The following FAM24B variants were observed in gnomAD, a reference collection of about 807,000 sequenced individuals.
FAM24B encodes family with sequence similarity 24 member B.
Under a neutral mutation model 2.3 loss-of-function variants are expected in FAM24B, and 3 were observed. That is an observed-to-expected ratio of 1.29 (90% CI 0.59 to 3.32). The LOEUF is 3.32. Among genes scored for constraint, FAM24B ranks in the 30% most tolerant of loss-of-function variants. FAM24B has a pLI of 0.03. For missense variants in FAM24B, 98 were observed against 117.2 expected (o/e 0.84, Z 0.76); for synonymous variants, 36 against 46.3 (o/e 0.78, Z 0.90).
At chr10:122,859,390 C>T (rs946515966) in intron 1 of FAM24B, among the ~76,000 whole-genome samples, 1 of 152,140 alleles carries the variant, frequency 6.6e-6, no homozygotes, top group Non-Finnish European at 1.5e-5. Flanking sequence ...GCAGCCATTA[C>T]GAACTGACTC....
intron 1 of FAM24B, among the ~76,000 whole-genome samples, chr10:122,867,250 G>A (rs779067363): frequency 3.2e-4 from 48 of 152,152 alleles, no homozygotes; most frequent in Admixed American, 5.2e-4. Flanking sequence ...GGGGAGGGAC[G>A]CCCACCATTG....
chr10:122,870,423 C>A (rs2133839240), intron 1 of FAM24B, among the ~76,000 whole-genome samples: 1 of 152,302 alleles, frequency 6.6e-6, no homozygotes, highest in South Asian at 2.1e-4. Flanking sequence ...GGAATCCTCC[C>A]TAACTCATTT....
chr10:122,864,742 C>T (rs770092718), intron 1 of FAM24B, among the ~76,000 whole-genome samples: 56 of 152,176 alleles, frequency 3.7e-4, no homozygotes, highest in Admixed American at 7.9e-4. Flanking sequence ...TTCCCCCTGC[C>T]AGACCCTGGC....
In FAM24B at chr10:122,849,171, A is replaced by G; in HGVS notation, c.*76T>C. 1 of 1,121,400 alleles carries G rather than the reference A, an allele frequency of 8.9e-7. No homozygotes were observed. Among genetic ancestry groups the G allele is most frequent in the Non-Finnish European group, 1.2e-6 (1 of 808,992 alleles). 69.5% of individuals were successfully genotyped at this position (1,121,400 alleles called of 1,614,324 possible). ...TTATATAATCTCACATAAAAACACT[A>G]GAACTTGATTTGAATAACAAAACAA... On this transcript the variant is annotated 3_prime_UTR_variant, in exon 4 of 4. Transcript: ENST00000368898.
chr10:122,868,924 C>T (rs1847846852), intron 1 of FAM24B, among the ~76,000 whole-genome samples: 1 of 152,134 alleles, frequency 6.6e-6, no homozygotes, highest in Non-Finnish European at 1.5e-5. Flanking sequence ...ATAAAATTCA[C>T]ACATAACAAC....
chr10:122,869,697 C>T (rs566878197), intron 1 of FAM24B, among the ~76,000 whole-genome samples: 15 of 152,074 alleles, frequency 9.9e-5, no homozygotes, highest in African/African-American at 2.9e-4. Context: ...GGGTACATAA[C>T]GAAATGAAGG....
At chr10:122,850,737 TA>T (rs932061328) in intron 2 of FAM24B, 187 bp from the exon 3 acceptor site, 1 of 481,652 alleles carries the variant, frequency 2.1e-6, no homozygotes, top group Non-Finnish European at 3.7e-6. Context: ...AAAAAAGAAA[TA>T]AAAAAAGTCA....
chr10:122,870,077 G>C (rs1847867700), intron 1 of FAM24B, among the ~76,000 whole-genome samples: 1 of 152,096 alleles, frequency 6.6e-6, no homozygotes, highest in South Asian at 2.1e-4. Flanking sequence ...GAATCACATA[G>C]ACCCAATAAA....
chr10:122,873,842 A>G (rs1399704738), intron 1 of FAM24B, among the ~76,000 whole-genome samples: 2 of 152,210 alleles, frequency 1.3e-5, no homozygotes, highest in Non-Finnish European at 2.9e-5. Flanking sequence ...TTAGTTTGAA[A>G]TATTTTTAAA....
chr10:122,858,883 C>T (rs901704614), intron 1 of FAM24B, among the ~76,000 whole-genome samples: 4 of 152,240 alleles, frequency 2.6e-5, no homozygotes, highest in Non-Finnish European at 4.4e-5. Context: ...ATGCAACAGA[C>T]TTCTGTGAGC....
In FAM24B at chr10:122,849,380, C is replaced by T. The variant is rs760072719; in HGVS notation, c.152G>A (p.Trp51Ter). The T allele has an allele frequency of 6.2e-7, 1 of 1,613,426 alleles. No individual in the cohort carries two copies. The highest frequency in any genetic ancestry group is 8.5e-7 in the Non-Finnish European group (1 of 1,179,688). The change falls in exon 4 of 4, where the codon TGG becomes TAG. Residue 51 changes from tryptophan to a stop codon, truncating the protein, a stop_gained. Transcript: ENST00000368898. LOFTEE classifies it low-confidence loss of function (END_TRUNC). ...VKNHNPDKVWWAKNSQAKTIA... is the reference protein window; with the variant it reads ...VKNHNPDKVW Reference sequence around the variant, plus strand: ...GGTTTTGGCCTGGCTGTTCTTGGCCCACCACACCTTGTCTGGGTTGTGATT... The same window carrying T: ...GGTTTTGGCCTGGCTGTTCTTGGCCTACCACACCTTGTCTGGGTTGTGATT...
chr10:122,865,746 G>A (rs190866055), intron 1 of FAM24B, among the ~76,000 whole-genome samples: 195 of 151,618 alleles, frequency 1.3e-3, no homozygotes, highest in Non-Finnish European at 1.4e-3. Context: ...ATCTGGTCCT[G>A]GTGCTTTATT....
chr10:122,866,628 T>TG (rs1233211594), intron 1 of FAM24B, among the ~76,000 whole-genome samples: 1 of 152,164 alleles, frequency 6.6e-6, no homozygotes, highest in Non-Finnish European at 1.5e-5. Context: ...ATATATGTTA[T>TG]GGTGATCTGT....
intron 1 of FAM24B, among the ~76,000 whole-genome samples, chr10:122,878,368 C>T (rs1223809924): frequency 6.6e-6 from 1 of 151,876 alleles, no homozygotes. Flanking sequence ...CCCTGTCTCT[C>T]CTAAAAATAC....
intron 1 of FAM24B, among the ~76,000 whole-genome samples, chr10:122,878,464 C>T (rs960956107): frequency 2.0e-5 from 3 of 149,316 alleles, no homozygotes; most frequent in East Asian, 4.0e-4. Flanking sequence ...ACCCAAGAGG[C>T]GGAAGTTGCA....
chr10:122,850,285 T>G lies in FAM24B; in HGVS notation c.92+139A>C. On this transcript the variant is annotated intron_variant, in intron 3 of 3. Transcript: ENST00000368898. The stretch of plus-strand genomic sequence containing the variant: ...TACAAAGCTGCCTGTTCTTCTTGAC[T>G]TCACCCAGGGTATGGCCACAGCAGC... The G allele has an allele frequency of 4.3e-6, 3 of 696,158 alleles. No individual in the cohort carries two copies. In the East Asian group the frequency reaches 7.9e-5, roughly 18 times the overall value. 43.1% of individuals were successfully genotyped at this position (696,158 alleles called of 1,614,324 possible).
chr10:122,867,839 GA>G (rs1003486572), intron 1 of FAM24B, among the ~76,000 whole-genome samples: 2 of 152,026 alleles, frequency 1.3e-5, no homozygotes, highest in Non-Finnish European at 2.9e-5. Flanking sequence ...CAAAGATGGG[GA>G]AAAAACAGAG....
chr10:122,861,289 T>C (rs1470633366), intron 1 of FAM24B, among the ~76,000 whole-genome samples: 2 of 152,226 alleles, frequency 1.3e-5, no homozygotes, highest in Non-Finnish European at 1.5e-5. Flanking sequence ...TTTTCAAAAA[T>C]CATCTTATTT....
At chr10:122,867,099 G>A (rs1039499472) in intron 1 of FAM24B, among the ~76,000 whole-genome samples, 3 of 152,174 alleles carry the variant, frequency 2.0e-5, no homozygotes, top group Non-Finnish European at 4.4e-5. Flanking sequence ...TTAGTGGTCT[G>A]GATAGAAAAT....
Sources: allele counts gnomAD v4.1 joint callset (sites outside exome capture counted in the v4.1 genomes callset), GRCh38; gene constraint gnomAD v4.1.1; transcripts MANE v1.5; gene names NCBI Gene and HGNC (gene_info 2026-07-23, HGNC 2026-07-21).